Variants in NCAPH2 observed in about 807,000 individuals in gnomAD.
NCAPH2 encodes the protein condensin-2 complex subunit H2.
NCAPH2 carries 56 observed loss-of-function variants against 88.6 expected under a neutral mutation model. The observed-to-expected ratio is 0.63, with a 90% CI of 0.51 to 0.79. The LOEUF (loss-of-function observed/expected upper bound fraction) is 0.79, where lower values mean the gene tolerates loss of function less well. NCAPH2 is among the 30% of genes least tolerant of loss of function. The pLI is 0.00. For synonymous variants in NCAPH2, 378 were observed against 313.6 expected, an observed-to-expected ratio of 1.21 and a Z score of -2.17; for missense variants, 794 against 792.0, an observed-to-expected ratio of 1.00 and a Z score of -0.03.
intron 9 of NCAPH2, 54 bp from the exon 10 acceptor site, chr22:50,520,911 A>G: frequency 1.3e-6 from 2 of 1,544,122 alleles, no homozygotes; most frequent in Non-Finnish European, 8.8e-7. Context: ...TGGGGTACCC[A>G]GAGCCTTGAG....
chr22:50,520,976 G>T lies in NCAPH2; in HGVS notation c.873G>T (p.Leu291=). 1 of 1,551,086 alleles carries T rather than the reference G, an allele frequency of 6.4e-7. No homozygotes were observed. ...GACTGTCTTTGCAGAGTGCTGCCCTGCCCAGGAGGTACATGCTGCGGGAGC... is the reference window on the plus strand; with the variant it reads ...GACTGTCTTTGCAGAGTGCTGCCCTTCCCAGGAGGTACATGCTGCGGGAGC... ...ESRSPQQSAA[L]PRRYMLRERE... The change falls in exon 10 of 20, where the codon CTG becomes CTT. Residue 291 remains leucine (L), a synonymous_variant. Coordinates refer to ENST00000420993, the MANE Select transcript of NCAPH2 (RefSeq NM_152299.4).
At position 50,508,352 on chromosome 22, in the gene NCAPH2, G is replaced by GGC; in HGVS notation, c.20_21dup (p.Phe8AlafsTer45). 6.7e-7 allele frequency: 1 copy of GGC among 1,483,676 alleles called. No individual in the cohort carries two copies. Among genetic ancestry groups the GGC allele is most frequent in the Middle Eastern group, 1.8e-4 (1 of 5,634 alleles). The allele number at this position is 1,483,676 out of a possible 1,614,324, so 91.9% of individuals were successfully genotyped here. ...CCCTCCCGGACATGGAGGACGTGGAGGCGCGCTTCGCCCACCTCTTGCAGC... is the reference window on the plus strand; with the variant it reads ...CCCTCCCGGACATGGAGGACGTGGAGGCGCGCGCTTCGCCCACCTCTTGCAGC... On this transcript the variant is annotated frameshift_variant, in exon 1 of 20. Transcript: ENST00000420993. LOFTEE classifies it high-confidence loss of function.
intron 2 of NCAPH2, among the ~76,000 whole-genome samples, chr22:50,517,119 A>C (rs2148661318): frequency 6.6e-6 from 1 of 152,210 alleles, no homozygotes; most frequent in South Asian, 2.1e-4. Flanking sequence ...ACCACCAAGG[A>C]CCGTGTGATG....
Position 50,517,973 on chromosome 22 carries a change from G to A in NCAPH2, c.421G>A (p.Glu141Lys). 6.2e-7 allele frequency: 1 copy of A among 1,613,228 alleles called. No individual in the cohort carries two copies. The highest frequency in any genetic ancestry group is 2.2e-5 in the East Asian group (1 of 44,868). Residue 141 changes from glutamate (E) to lysine (K), a missense_variant and splice_region_variant, in exon 6 of 20, where the codon GAG (glutamate) becomes AAG (lysine). By Grantham distance (56) the Glu-to-Lys change is moderately conservative (BLOSUM62 1). Coordinates refer to ENST00000420993, the MANE Select transcript of NCAPH2 (RefSeq NM_152299.4). ...VDLKNDQTPS[E>K]VLIIPLLPMA... ...TCACCCACCCTTGGCCTCCATGCAG[G>A]AGGTCCTCATCATCCCCCTCCTGCC...
Position 50,523,440 on chromosome 22 carries a change from G to A in NCAPH2, c.*65G>A. The A allele has an allele frequency of 6.6e-7, 1 of 1,522,804 alleles. No individual in the cohort carries two copies. Among genetic ancestry groups the A allele is most frequent in the African/African-American group, 1.4e-5 (1 of 72,682 alleles). The allele number at this position is 1,522,804 out of a possible 1,614,324, so 94.3% of individuals were successfully genotyped here. A position where few individuals can be genotyped will look rare whatever the true frequency, so the allele number is the denominator to read the frequency against. On this transcript the variant is annotated 3_prime_UTR_variant, in exon 20 of 20. Transcript: ENST00000420993. ...AGGAGCCGTGTGTCTGCTCCTGGCT[G>A]GCCCGGCCTAATAAAGCAGTGTTGC...
intron 1 of NCAPH2, 130 bp downstream of exon 1, chr22:50,508,575 G>T (rs1603440045): frequency 3.5e-6 from 2 of 573,358 alleles, no homozygotes; most frequent in East Asian, 7.1e-5. Context: ...GGCCGCGCAG[G>T]TCCTCGGGCT....
In NCAPH2 at chr22:50,521,989, C is replaced by G. The variant is rs756772198; in HGVS notation, c.1112C>G (p.Ala371Gly). 4.3e-6 allele frequency: 7 copies of G among 1,614,020 alleles called. 1 individual carries two copies. Among genetic ancestry groups the G allele is most frequent in the Non-Finnish European group, 5.1e-6 (6 of 1,179,964 alleles). Residue 371 changes from alanine to glycine, a missense_variant, in exon 13 of 20, where the codon GCA becomes GGA. Around this residue, in one of 2 missense-constraint regions of NCAPH2, gnomAD observed 735 missense variants for 696.3 expected, o/e 1.06. Transcript: ENST00000420993. ...TGCTGAGCATGTTCTTTCACAGATG[C>G]AGACCATGCCGACAGCAGGCGGCTT... The part of the protein sequence containing the change: ...DFHQWYLAAY[A>G]DHADSRRLRR...
intron 2 of NCAPH2, 62 bp downstream of exon 2, chr22:50,516,610 CCTT>C (rs1317775776): frequency 9.4e-6 from 14 of 1,490,202 alleles, no homozygotes; most frequent in South Asian, 5.7e-5. Flanking sequence ...AGTCGGCTCT[CCTT>C]CTGGGGCAGG....
chr22:50,524,749 T>G lies in NCAPH2; in HGVS notation c.*1374T>G. 1 of 523,168 alleles carries G rather than the reference T, an allele frequency of 1.9e-6. No homozygotes were observed. The highest frequency in any genetic ancestry group is 3.8e-6 in the Non-Finnish European group (1 of 264,852). The allele number at this position is 523,168 out of a possible 1,614,324, so 32.4% of individuals were successfully genotyped here. A position where few individuals can be genotyped will look rare whatever the true frequency, so the allele number is the denominator to read the frequency against. On this transcript the variant is annotated 3_prime_UTR_variant, in exon 20 of 20. Coordinates refer to ENST00000420993, the MANE Select transcript of NCAPH2 (RefSeq NM_152299.4). ...TGCCTTGCCTGAACTAACCACGTTA[T>G]CTATTTGCAATAAACCCATTTCTTA...
chr22:50,516,658 C>A, intron 2 of NCAPH2, 110 bp downstream of exon 2: 1 of 917,262 alleles, frequency 1.1e-6, no homozygotes. Flanking sequence ...CTACCTCCCT[C>A]TCTCCTCAGG....
At chr22:50,519,429 A>G in intron 9 of NCAPH2, 109 bp downstream of exon 9, 1 of 1,488,356 alleles carries the variant, frequency 6.7e-7, no homozygotes, top group Non-Finnish European at 8.9e-7. Flanking sequence ...TTGGCCCCAG[A>G]CCACTGGTCT....
At chr22:50,521,955 C>T (rs761224024) in intron 12 of NCAPH2, 31 bp from the exon 13 acceptor site, 17 of 1,613,702 alleles carry the variant, frequency 1.1e-5, no homozygotes, top group Non-Finnish European at 1.4e-5. Flanking sequence ...CAGCTCTTGG[C>T]CTGGCTGGTG....
intron 1 of NCAPH2, among the ~76,000 whole-genome samples, chr22:50,509,485 C>T (rs1340906137): frequency 6.6e-6 from 1 of 152,216 alleles, no homozygotes; most frequent in Admixed American, 6.5e-5. Flanking sequence ...CCATGCTTAA[C>T]ACTCAGTTCA....
chr22:50,519,834 T>C (rs1434006409), intron 9 of NCAPH2: 1 of 892,360 alleles, frequency 1.1e-6, no homozygotes, highest in Non-Finnish European at 1.3e-6. Flanking sequence ...TCATTTTTCC[T>C]AGTTTTGAAG....
At position 50,523,767 on chromosome 22, in the gene NCAPH2, A is replaced by G. The variant is rs561543817; in HGVS notation, c.*392A>G. ...GGTCCACGATGTAGTCCTGGTCCTC[A>G]TCCTTGGGGCCTGCATTGTAGTACA... On this transcript the variant is annotated 3_prime_UTR_variant, in exon 20 of 20. Coordinates refer to ENST00000420993, the MANE Select transcript of NCAPH2 (RefSeq NM_152299.4). 3 of 1,614,146 alleles carry G rather than the reference A, an allele frequency of 1.9e-6. No homozygotes were observed. The highest frequency in any genetic ancestry group is 2.7e-5 in the African/African-American group (2 of 75,044).
Position 50,522,859 on chromosome 22 carries a change from G to A in NCAPH2, c.1464G>A (p.Glu488=). 3 of 1,613,516 alleles carry A rather than the reference G, an allele frequency of 1.9e-6. No homozygotes were observed. Among genetic ancestry groups the A allele is most frequent in the Non-Finnish European group, 2.5e-6 (3 of 1,180,002 alleles). ...CCACCTCCCAGAAGTTTGTCCAGGA[G>A]ACAGAGCTGAGCCAGCGCATCAGGG... is the stretch of plus-strand genomic sequence containing the variant. ...FIATSQKFVQ[E]TELSQRIRDW... is the part of the protein sequence containing the mutation. The change falls in exon 18 of 20, where the codon GAG becomes GAA. Residue 488 remains glutamate (E), a synonymous_variant. Coordinates refer to ENST00000420993, the MANE Select transcript of NCAPH2 (RefSeq NM_152299.4).
At chr22:50,516,388 G>A (rs1255715667) in intron 1 of NCAPH2, 59 bp from the exon 2 acceptor site, 1 of 1,548,386 alleles carries the variant, frequency 6.5e-7, no homozygotes, top group East Asian at 2.3e-5. Flanking sequence ...GGCTGCCCTG[G>A]AAGAAGCGAG....
intron 1 of NCAPH2, among the ~76,000 whole-genome samples, chr22:50,512,639 C>T (rs2068817387): frequency 6.7e-6 from 1 of 149,778 alleles, no homozygotes; most frequent in African/African-American, 2.4e-5. Flanking sequence ...CAGCCTCGAT[C>T]TCCCAGGCTC....
At chr22:50,515,696 T>TC (rs1491202102) in intron 1 of NCAPH2, 1 of 230,360 alleles carries the variant, frequency 4.3e-6, no homozygotes, top group South Asian at 9.2e-5. Context: ...GCACCCGGCC[T>TC]TTTTTTTTTT....
Sources: gnomAD v4.1 joint callset for allele counts (sites outside exome capture counted in the v4.1 genomes callset) on GRCh38, gnomAD v4.1.1 for gene constraint, gnomAD v4.1.1 regional missense constraint, MANE v1.5 for transcripts, NCBI Gene and HGNC (gene_info 2026-07-23, HGNC 2026-07-21) for gene names.